Variants in TBATA observed in about 807,000 individuals in gnomAD.
TBATA encodes protein TBATA.
Under a neutral mutation model 38.7 loss-of-function variants are expected in TBATA, and 47 were observed. The observed-to-expected ratio is 1.21, with a 90% CI of 0.96 to 1.55. TBATA has a LOEUF of 1.55. Ranked by LOEUF, TBATA falls within the 40% of genes most tolerant of loss-of-function variation. The pLI is 0.00. For synonymous variants in TBATA, 183 were observed against 170.5 expected (o/e 1.07, Z -0.57); for missense variants, 436 against 435.6 (o/e 1.00, Z -0.01).
At chr10:70,782,908 C>T (rs370469334) in intron 3 of TBATA, among the ~76,000 whole-genome samples, 1 of 152,202 alleles carries the variant, frequency 6.6e-6, no homozygotes, top group African/African-American at 2.4e-5. Flanking sequence ...CAAGGCGTGC[C>T]GCCCCCGGAC....
intron 4 of TBATA, among the ~76,000 whole-genome samples, chr10:70,780,276 G>C (rs111472270): frequency 6.6e-6 from 1 of 151,568 alleles, no homozygotes; most frequent in Non-Finnish European, 1.5e-5. Context: ...TTGCACTTGA[G>C]GACCCTTCTG....
chr10:70,778,742 T>C, intron 5 of TBATA, 106 bp from the exon 6 acceptor site: 1 of 971,064 alleles, frequency 1.0e-6, no homozygotes, highest in Non-Finnish European at 1.7e-6. Flanking sequence ...CTGGCCTCCC[T>C]GCCTGGATCT....
At chr10:70,779,042 C>A (rs12776342) in intron 5 of TBATA, among the ~76,000 whole-genome samples, 33,639 of 152,170 alleles carry the variant, frequency 0.22, 4,091 homozygotes, top group Non-Finnish European at 0.27. Context: ...TCAAACTACT[C>A]CCTGGAGAGG....
rs1842776601 is a variant in TBATA, at chr10:70,771,389, C to T, written c.1046G>A (p.Arg349Lys). Reference sequence around the variant, plus strand: ...TGTTAGGGCCCCTCAGCTCTCTGCCCTCGGCTTCGATGTCTTCTTCTCTGT... The same window carrying T: ...TGTTAGGGCCCCTCAGCTCTCTGCCTTCGGCTTCGATGTCTTCTTCTCTGT... ...QNTEKKTSKP[R>K]AES Residue 349 changes from arginine to lysine, a missense_variant, in exon 11 of 11, where the codon AGG (arginine) becomes AAG (lysine). By Grantham distance (26) the Arg-to-Lys change is conservative. Coordinates refer to ENST00000456372, the MANE Select transcript of TBATA (RefSeq NM_001318241.2). 1 of 1,614,186 alleles carries T rather than the reference C, an allele frequency of 6.2e-7. No homozygotes were observed. Among genetic ancestry groups the T allele is most frequent in the Middle Eastern group, 1.6e-4 (1 of 6,062 alleles).
chr10:70,776,003 G>A (rs978443993), intron 7 of TBATA, among the ~76,000 whole-genome samples: 7 of 152,208 alleles, frequency 4.6e-5, no homozygotes, highest in African/African-American at 1.7e-4. Context: ...GATGGGCTAT[G>A]GGGGCTCCCT....
At position 70,782,002 on chromosome 10, in the gene TBATA, C is replaced by T; in HGVS notation, c.76G>A (p.Gly26Arg). ...KAELKLEKKS[G>R]RKPRSPRDSG... ...TCCCTGGGGCTCCTTGGCTTGCGCC[C>T]TGACTTCTTCTCCAGTTTCAGCTCA... Residue 26 changes from glycine (G) to arginine (R), a missense_variant, in exon 4 of 11, where the codon GGG (glycine) becomes AGG (arginine). Physicochemically the swap from Gly to Arg is moderately radical, Grantham distance 125. Coordinates refer to ENST00000456372, the MANE Select transcript of TBATA (RefSeq NM_001318241.2). The T allele has an allele frequency of 6.2e-7, 1 of 1,614,262 alleles. No individual in the cohort carries two copies. Among genetic ancestry groups the T allele is most frequent in the Non-Finnish European group, 8.5e-7 (1 of 1,180,042 alleles).
chr10:70,782,693 T>A, intron 3 of TBATA: 1 of 967,590 alleles, frequency 1.0e-6, no homozygotes, highest in Non-Finnish European at 1.2e-6. Flanking sequence ...GCTTGGGTCC[T>A]CTCTCCTCTA....
At chr10:70,780,447 G>A (rs1844050516) in intron 4 of TBATA, among the ~76,000 whole-genome samples, 1 of 151,994 alleles carries the variant, frequency 6.6e-6, no homozygotes, top group South Asian at 2.1e-4. Flanking sequence ...CATCTCCTCT[G>A]CCGACTTCTC....
chr10:70,772,427 T>A, intron 10 of TBATA, 87 bp downstream of exon 10: 2 of 1,258,174 alleles, frequency 1.6e-6, no homozygotes, highest in Non-Finnish European at 2.3e-6. Context: ...CAGGGACTCA[T>A]CTCCAAGTTG....
At chr10:70,774,166 G>A (rs1242368957) in intron 9 of TBATA, 47 bp downstream of exon 9, 1 of 1,603,222 alleles carries the variant, frequency 6.2e-7, no homozygotes, top group South Asian at 1.1e-5. Context: ...GGCCTCACCT[G>A]GGAGGACAGA....
chr10:70,779,623 G>T lies in TBATA; in HGVS notation c.397C>A (p.Gln133Lys). Residue 133 changes from glutamine to lysine, a missense_variant, in exon 5 of 11, where the codon CAG becomes AAG. By Grantham distance (53) the Gln-to-Lys change is moderately conservative (BLOSUM62 1). Coordinates refer to ENST00000456372, the MANE Select transcript of TBATA (RefSeq NM_001318241.2). Reference protein sequence around the residue: ...PTISVPIGDPQSNRNPQLSSE... With the variant: ...PTISVPIGDPKSNRNPQLSSE... ...GAAAGCTGGGGGTTCCGATTAGACT[G>T]TGGGTCTCCAATGGGGACAGAGATG... The T allele has an allele frequency of 6.6e-7, 1 of 1,525,118 alleles. No individual in the cohort carries two copies. The highest frequency in any genetic ancestry group is 8.7e-7 in the Non-Finnish European group (1 of 1,144,246). 94.5% of individuals were successfully genotyped at this position (1,525,118 alleles called of 1,614,324 possible). A position where few individuals can be genotyped will look rare whatever the true frequency, so the allele number is the denominator to read the frequency against.
At chr10:70,780,691 C>T (rs1323970163) in intron 4 of TBATA, among the ~76,000 whole-genome samples, 3 of 152,106 alleles carry the variant, frequency 2.0e-5, no homozygotes, top group Non-Finnish European at 2.9e-5. Flanking sequence ...ACATCAGAAA[C>T]CAAACCCCTG....
intron 9 of TBATA, 144 bp downstream of exon 9, chr10:70,774,069 G>A (rs1843075199): frequency 8.8e-7 from 1 of 1,133,220 alleles, no homozygotes; most frequent in East Asian, 2.6e-5. Flanking sequence ...GAAGGTCCCT[G>A]GGGGAGGGGC....
intron 4 of TBATA, among the ~76,000 whole-genome samples, chr10:70,780,209 C>T (rs1843993203): frequency 6.6e-6 from 1 of 152,148 alleles, no homozygotes; most frequent in Admixed American, 6.5e-5. Context: ...AAAACTTCTG[C>T]TTTGGTCAGC....
intron 7 of TBATA, 73 bp from the exon 8 acceptor site, chr10:70,775,343 G>A (rs548944115): frequency 1.4e-4 from 185 of 1,336,036 alleles, no homozygotes; most frequent in East Asian, 1.3e-3. Context: ...GGTTTGGAGG[G>A]CACCAAGGAG....
chr10:70,779,556 G>T (rs574548432), intron 5 of TBATA, 37 bp downstream of exon 5: 3 of 1,447,940 alleles, frequency 2.1e-6, no homozygotes, highest in Non-Finnish European at 2.7e-6. Flanking sequence ...AGAGGCATGA[G>T]CCCCAGGGTA....
At chr10:70,773,791 C>A (rs554227954) in intron 9 of TBATA, among the ~76,000 whole-genome samples, 24 of 152,340 alleles carry the variant, frequency 1.6e-4, no homozygotes, top group African/African-American at 5.3e-4. Context: ...ACTCACCTGC[C>A]TTGTGAGGCC....
rs141267448 is a variant in TBATA at position 70,771,397 on chromosome 10, C to T, written c.1038G>A (p.Ser346=). ...HSSQNTEKKT[S]KPRAES ...CCCCTCAGCTCTCTGCCCTCGGCTT[C>T]GATGTCTTCTTCTCTGTGTTCTGGC... The change falls in exon 11 of 11, where the codon TCG becomes TCA. Residue 346 remains serine (S), a synonymous_variant. Coordinates refer to ENST00000456372, the MANE Select transcript of TBATA (RefSeq NM_001318241.2). 213 of 1,614,050 alleles carry T rather than the reference C, an allele frequency of 1.3e-4. No individual in the cohort carries two copies. The highest frequency in any genetic ancestry group is 1.6e-4 in the Non-Finnish European group (191 of 1,180,026).
rs1843102526 is a variant in TBATA at position 70,774,258 on chromosome 10, G to A, written c.875C>T (p.Pro292Leu). The A allele has an allele frequency of 1.2e-6, 2 of 1,612,234 alleles. No individual in the cohort carries two copies. The highest frequency in any genetic ancestry group is 1.7e-6 in the Non-Finnish European group (2 of 1,179,648). The change falls in exon 9 of 11, where the codon CCA becomes CTA. Residue 292 changes from proline (P) to leucine (L), a missense_variant. Coordinates refer to ENST00000456372, the MANE Select transcript of TBATA (RefSeq NM_001318241.2). Reference protein sequence around the residue: ...IPTEKLLSQLPEVHEPPQEKQ... With the variant: ...IPTEKLLSQLLEVHEPPQEKQ... ...CTCTTGAGGAGGTTCATGCACTTCT[G>A]GAAGCTGGCTTAGGAGCTTTTCTGT... is the stretch of plus-strand genomic sequence containing the variant.
Sources: allele counts gnomAD v4.1 joint callset (sites outside exome capture counted in the v4.1 genomes callset), GRCh38; gene constraint gnomAD v4.1.1; transcripts MANE v1.5; gene names NCBI Gene and HGNC (gene_info 2026-07-23, HGNC 2026-07-21).